Variants in PRKCB observed in about 807,000 individuals in gnomAD.
PRKCB encodes protein kinase C beta.
In PRKCB, 13 loss-of-function variants were observed where a neutral mutation model predicts 81.5. That is an observed-to-expected ratio of 0.16 (90% CI 0.10 to 0.25). The LOEUF is 0.25. PRKCB is among the 10% of genes least tolerant of loss of function. PRKCB has a pLI of 1.00. For synonymous variants in PRKCB, 335 were observed against 321.4 expected, an observed-to-expected ratio of 1.04 and a Z score of -0.45; for missense variants, 509 against 875.7, an observed-to-expected ratio of 0.58 and a Z score of 5.29.
intron 2 of PRKCB, among the ~76,000 whole-genome samples, chr16:23,902,869 T>C (rs1454677391): frequency 6.7e-6 from 1 of 149,174 alleles, no homozygotes; most frequent in Non-Finnish European, 1.5e-5. Context: ...AGTGTCACGA[T>C]CGTAGTTCAC....
intron 2 of PRKCB, among the ~76,000 whole-genome samples, chr16:23,941,453 A>G (rs1567321060): frequency 6.6e-6 from 1 of 152,232 alleles, no homozygotes; most frequent in African/African-American, 2.4e-5. Flanking sequence ...AAGATAAGGC[A>G]AAAAATAAAG....
At chr16:23,969,378 C>T (rs1320823614) in intron 2 of PRKCB, among the ~76,000 whole-genome samples, 3 of 152,104 alleles carry the variant, frequency 2.0e-5, no homozygotes, top group Non-Finnish European at 4.4e-5. Flanking sequence ...GTACAGTATG[C>T]ACTATTTTGT....
At chr16:23,903,025 G>A (rs1195401586) in intron 2 of PRKCB, among the ~76,000 whole-genome samples, 2 of 138,234 alleles carry the variant, frequency 1.4e-5, no homozygotes, top group African/African-American at 5.8e-5. Context: ...TAGAGACAAA[G>A]TCTTGCTATG....
chr16:23,911,204 C>T (rs185053634), intron 2 of PRKCB, among the ~76,000 whole-genome samples: 48 of 125,344 alleles, frequency 3.8e-4, no homozygotes, highest in African/African-American at 1.4e-3. Context: ...CAGCTCATTG[C>T]AGCCTTGAAC....
At chr16:24,038,229 G>T (rs1965648046) in intron 5 of PRKCB, among the ~76,000 whole-genome samples, 1 of 152,068 alleles carries the variant, frequency 6.6e-6, no homozygotes, top group Admixed American at 6.5e-5. Context: ...GCCAGGTGTG[G>T]TGGCTCACAC....
chr16:23,862,723 A>T (rs2141091497), intron 2 of PRKCB, among the ~76,000 whole-genome samples: 1 of 152,264 alleles, frequency 6.6e-6, no homozygotes, highest in East Asian at 1.9e-4. Context: ...ACGCCCAGAG[A>T]GGTGAAGTCA....
intron 2 of PRKCB, chr16:23,893,127 C>G (rs984816957): frequency 1.3e-5 from 2 of 152,130 alleles, no homozygotes; most frequent in Admixed American, 6.5e-5. Flanking sequence ...TGAATCCTTT[C>G]TCTTCTCCTC....
chr16:23,976,146 A>T (rs1311069227), intron 2 of PRKCB, among the ~76,000 whole-genome samples: 2 of 152,110 alleles, frequency 1.3e-5, no homozygotes, highest in Non-Finnish European at 2.9e-5. Context: ...ATCTCTACAA[A>T]AGAAAAAAAA....
At chr16:23,971,946 C>CA (rs1312583410) in intron 2 of PRKCB, among the ~76,000 whole-genome samples, 2 of 151,920 alleles carry the variant, frequency 1.3e-5, no homozygotes, top group Non-Finnish European at 2.9e-5. Context: ...TATGCCCACA[C>CA]AAAAAATGAA....
intron 12 of PRKCB, among the ~76,000 whole-genome samples, chr16:24,177,513 A>T (rs1239569142): frequency 3.3e-5 from 5 of 152,230 alleles, no homozygotes; most frequent in Non-Finnish European, 2.9e-5. Flanking sequence ...CTCATTTCAC[A>T]GCCCACCTGT....
chr16:24,066,067 T>G (rs1286797543), intron 5 of PRKCB, among the ~76,000 whole-genome samples: 1 of 143,190 alleles, frequency 7.0e-6, no homozygotes, highest in Non-Finnish European at 1.5e-5. Flanking sequence ...AATGTGACTG[T>G]GATGTTCCTG....
intron 12 of PRKCB, among the ~76,000 whole-genome samples, chr16:24,178,331 T>G (rs1967567625): frequency 6.6e-6 from 1 of 152,224 alleles, no homozygotes; most frequent in African/African-American, 2.4e-5. Flanking sequence ...AAATGCGGAT[T>G]TATTACACAG....
At chr16:23,990,344 G>C (rs187704789) in intron 3 of PRKCB, among the ~76,000 whole-genome samples, 39 of 152,026 alleles carry the variant, frequency 2.6e-4, no homozygotes, top group African/African-American at 9.4e-4. Context: ...TGTAGTCCTA[G>C]CTCCTTGGGA....
intron 5 of PRKCB, among the ~76,000 whole-genome samples, chr16:24,069,802 A>C (rs1279414973): frequency 4.6e-5 from 7 of 152,202 alleles, no homozygotes; most frequent in Non-Finnish European, 4.4e-5. Flanking sequence ...AAAAGTTGTC[A>C]TTGTTATTGT....
Position 24,056,663 on chromosome 16 carries a change from A to G in PRKCB, c.529+21116A>G, listed in dbSNP as rs74013111. Reference sequence around the variant, plus strand: ...TGTTCACTAGAGATCTGGTTGTTTAAAAGAGTCTGGCACCTCCCCTCTCTC... The same window carrying G: ...TGTTCACTAGAGATCTGGTTGTTTAGAAGAGTCTGGCACCTCCCCTCTCTC... On this transcript the variant is annotated intron_variant, in intron 5 of 16. Coordinates refer to ENST00000643927, the MANE Select transcript of PRKCB (RefSeq NM_002738.7). Among the ~76,000 whole-genome samples the G allele has an allele frequency of 7.5e-3, 1,134 of 152,066 alleles. 16 individuals are homozygous for G. The highest frequency in any genetic ancestry group is 0.026 in the African/African-American group (1,058 of 41,484).
rs143207405 is a variant in PRKCB, at chr16:23,848,736, G to A, written c.205+11330G>A. Among the ~76,000 whole-genome samples the A allele has an allele frequency of 3.7e-3, 560 of 152,288 alleles. 2 individuals carry two copies. Among genetic ancestry groups the A allele is most frequent in the African/African-American group, 0.013 (542 of 41,548 alleles). Reference sequence around the variant, plus strand: ...TTGACTTCTTGCTGTGGGACCTTAAGCAAGTTACTTAACCTCTTCGAGCTT... The same window carrying A: ...TTGACTTCTTGCTGTGGGACCTTAAACAAGTTACTTAACCTCTTCGAGCTT... On this transcript the variant is annotated intron_variant, in intron 2 of 16. Coordinates refer to ENST00000643927, the MANE Select transcript of PRKCB (RefSeq NM_002738.7).
intron 10 of PRKCB, among the ~76,000 whole-genome samples, chr16:24,159,081 T>C (rs936732881): frequency 6.6e-6 from 1 of 152,190 alleles, no homozygotes; most frequent in South Asian, 2.1e-4. Flanking sequence ...CTAGCCATGG[T>C]CACCTCTCAC....
chr16:24,159,514 A>G (rs1418207491), intron 10 of PRKCB, among the ~76,000 whole-genome samples: 1 of 143,394 alleles, frequency 7.0e-6, no homozygotes, highest in Non-Finnish European at 1.5e-5. Flanking sequence ...AGGTACTATT[A>G]CTAACTTTAA....
chr16:24,180,664 T>A (rs1967604573), intron 12 of PRKCB, 126 bp from the exon 13 acceptor site: 1 of 1,122,912 alleles, frequency 8.9e-7, no homozygotes. Flanking sequence ...GGTCAAAGGC[T>A]GGTTTCTACT....
Sources: gnomAD v4.1 joint callset for allele counts (sites outside exome capture counted in the v4.1 genomes callset) on GRCh38, gnomAD v4.1.1 for gene constraint, MANE v1.5 for transcripts, NCBI Gene and HGNC (gene_info 2026-07-23, HGNC 2026-07-21) for gene names.